IQCK: variants seen among roughly 807,000 people sequenced by gnomAD.
IQCK encodes the protein IQ motif containing K.
In IQCK, 29 loss-of-function variants were observed where a neutral mutation model predicts 28.1. The ratio of observed to expected loss-of-function variants is 1.03; its 90% confidence interval spans 0.77 to 1.41. The LOEUF (loss-of-function observed/expected upper bound fraction) is 1.41. Among genes scored for constraint, IQCK ranks in the 40% most tolerant of loss-of-function variants. The pLI is 0.00. For synonymous variants in IQCK, 113 were observed against 115.1 expected (o/e 0.98, Z 0.12); for missense variants, 359 against 314.7 (o/e 1.14, Z -1.07).
chr16:19,804,910 G>GT (rs1466404940), intron 7 of IQCK, among the ~76,000 whole-genome samples: 6 of 152,146 alleles, frequency 3.9e-5, no homozygotes, highest in African/African-American at 1.4e-4. Context: ...AACAATCGTT[G>GT]TTTAAGCGCC....
intron 1 of IQCK, among the ~76,000 whole-genome samples, chr16:19,728,604 AAAAGTATCCCAACCC>A (rs1977732686): frequency 6.6e-6 from 1 of 152,208 alleles, no homozygotes; most frequent in Non-Finnish European, 1.5e-5. Context: ...ATGAGCTTGG[AAAAGTATCCCAACCC>A]TCAGAGAAGA....
chr16:19,816,574 G>A (rs1287657293), intron 7 of IQCK, among the ~76,000 whole-genome samples: 13 of 152,134 alleles, frequency 8.5e-5, no homozygotes, highest in African/African-American at 2.9e-4. Flanking sequence ...GTGAGCCACC[G>A]CGCCTGGCCA....
chr16:19,734,343 A>G lies in IQCK; in HGVS notation c.376+516A>G, dbSNP rs186637131. ...GAAACCCTGTCTCTACTAAAAATAC[A>G]AAAATTAGCTGGGCATGGTGGCAGG... On this transcript the variant is annotated intron_variant, in intron 3 of 7. Coordinates refer to ENST00000564186, the Ensembl canonical transcript of IQCK. Among the ~76,000 whole-genome samples the G allele has an allele frequency of 4.0e-4, 61 of 152,106 alleles. 2 individuals are homozygous for G. The highest frequency in any genetic ancestry group is 1.4e-3 in the African/African-American group (59 of 41,494).
At chr16:19,722,984 T>A (rs1444052379) in intron 1 of IQCK, among the ~76,000 whole-genome samples, 1 of 152,188 alleles carries the variant, frequency 6.6e-6, no homozygotes, top group African/African-American at 2.4e-5. Context: ...AGTGCTGGGA[T>A]TACAGGCGTG....
chr16:19,833,216 A>G (rs972087611), intron 9 of IQCK, among the ~76,000 whole-genome samples: 2 of 152,228 alleles, frequency 1.3e-5, no homozygotes, highest in African/African-American at 2.4e-5. Flanking sequence ...TATTCATCTT[A>G]TAACTGAAAG....
chr16:19,856,311 C>G (rs1018356993), intron 9 of IQCK, among the ~76,000 whole-genome samples, 176 bp from the exon 9 acceptor site: 22 of 152,174 alleles, frequency 1.4e-4, no homozygotes, highest in Admixed American at 1.3e-4. Flanking sequence ...GTCCTTAGAG[C>G]ACAATGGGCC....
At chr16:19,735,782 G>T in intron 4 of IQCK, 1 of 345,112 alleles carries the variant, frequency 2.9e-6, no homozygotes, top group South Asian at 2.6e-5. Flanking sequence ...GCTCTCCTTG[G>T]CCGGGCACGG....
intron 1 of IQCK, 114 bp from the exon 2 acceptor site, chr16:19,730,316 C>G (rs1339487576): frequency 1.3e-6 from 1 of 750,966 alleles, no homozygotes; most frequent in African/African-American, 1.8e-5. Context: ...TTTTTCATTT[C>G]TGTACACCAC....
At chr16:19,786,086 C>G (rs1046535082) in intron 6 of IQCK, among the ~76,000 whole-genome samples, 2 of 152,142 alleles carry the variant, frequency 1.3e-5, no homozygotes, top group African/African-American at 2.4e-5. Context: ...GCATCATTCC[C>G]ATGAATTCAC....
At chr16:19,735,843 A>G (rs1234279202) in intron 4 of IQCK, 1 of 335,646 alleles carries the variant, frequency 3.0e-6, no homozygotes, top group Non-Finnish European at 5.7e-6. Context: ...TGGGAGGATC[A>G]CTTGATGCCA....
intron 7 of IQCK, among the ~76,000 whole-genome samples, chr16:19,808,591 T>G (rs2055861671): frequency 6.6e-6 from 1 of 152,118 alleles, no homozygotes; most frequent in African/African-American, 2.4e-5. Context: ...CCTAGGGTGG[T>G]TGTGTGGAGT....
In IQCK at chr16:19,739,878, A is replaced by G. The variant is rs145721431; in HGVS notation, c.474+4428A>G. ...CGTTGTGCGTCAGCACTGGCATCCTATGCACCATCTTGTTTCACCCTTACA... is the reference window on the plus strand; with the variant it reads ...CGTTGTGCGTCAGCACTGGCATCCTGTGCACCATCTTGTTTCACCCTTACA... On this transcript the variant is annotated intron_variant, in intron 4 of 7. Transcript: ENST00000564186. Among the ~76,000 whole-genome samples the G allele has an allele frequency of 9.9e-5, 15 of 152,096 alleles. No individual in the cohort carries two copies. In the East Asian group the frequency reaches 2.7e-3, roughly 27 times the overall value.
At chr16:19,830,920 A>G (rs1306515575), downstream of IQCK, among the ~76,000 whole-genome samples, 1 of 152,204 alleles carries the variant, frequency 6.6e-6, no homozygotes. Context: ...TTATTAAAAT[A>G]TTTGTGTTGA....
chr16:19,802,741 G>T (rs768404115), intron 7 of IQCK, among the ~76,000 whole-genome samples: 2 of 152,156 alleles, frequency 1.3e-5, no homozygotes, highest in Non-Finnish European at 2.9e-5. Context: ...TTACATAAAT[G>T]GAGTCATACA....
chr16:19,810,279 G>A (rs1039144072), intron 7 of IQCK, among the ~76,000 whole-genome samples: 6 of 140,372 alleles, frequency 4.3e-5, no homozygotes, highest in Admixed American at 1.4e-4. Flanking sequence ...GGCGGATCAC[G>A]AGGTCAGGAG....
At chr16:19,722,368 T>C (rs1365812695) in intron 1 of IQCK, among the ~76,000 whole-genome samples, 1 of 152,042 alleles carries the variant, frequency 6.6e-6, no homozygotes, top group Non-Finnish European at 1.5e-5. Flanking sequence ...GATCCTGCTT[T>C]ATCACTCACT....
chr16:19,747,763 G>T (rs950060566), intron 4 of IQCK, among the ~76,000 whole-genome samples: 1 of 152,100 alleles, frequency 6.6e-6, no homozygotes, highest in African/African-American at 2.4e-5. Flanking sequence ...TGTCTGGCTT[G>T]TTTCACTTAA....
In IQCK at chr16:19,833,548, T is replaced by G. The variant is rs973259648; in HGVS notation, c.802+6411T>G. ...CCTTCCTGGAGCTGAGACTTGATTT[T>G]TCTTTCATAAAGAGGACACTATAAC... On this transcript the variant is annotated intron_variant, in intron 9 of 9. Coordinates refer to the IQCK transcript ENST00000320394. 3.7e-4 allele frequency among the ~76,000 whole-genome samples: 57 copies of G among 152,324 alleles called. 1 individual carries two copies. The highest frequency in any genetic ancestry group is 3.7e-3 in the Admixed American group (57 of 15,296).
At chr16:19,809,026 T>C (rs1187084365) in intron 7 of IQCK, among the ~76,000 whole-genome samples, 1 of 152,204 alleles carries the variant, frequency 6.6e-6, no homozygotes. Context: ...GCCAGCTAAT[T>C]TTCTGTATTT....
Sources: allele counts gnomAD v4.1 joint callset (sites outside exome capture counted in the v4.1 genomes callset), GRCh38; gene constraint gnomAD v4.1.1; transcripts MANE v1.5; gene names NCBI Gene and HGNC (gene_info 2026-07-23, HGNC 2026-07-21).